The following TFRC variants were observed in gnomAD, a reference collection of about 807,000 sequenced individuals.
TFRC encodes transferrin receptor, also known as transferrin receptor protein 1.
TFRC carries 35 observed loss-of-function variants against 85.8 expected under a neutral mutation model. The observed-to-expected ratio is 0.41, with a 90% CI of 0.31 to 0.54. The LOEUF is 0.54. Ranked by LOEUF, TFRC falls within the 20% of genes least tolerant of loss-of-function variation. The pLI, the probability that TFRC is intolerant of heterozygous loss-of-function variation, is 0.31. For synonymous variants in TFRC, 362 were observed against 328.6 expected, an observed-to-expected ratio of 1.10 and a Z score of -1.10; for missense variants, 828 against 921.5, an observed-to-expected ratio of 0.90 and a Z score of 1.31.
chr3:196,071,268 G>A (rs141270928), intron 6 of TFRC, 128 bp downstream of exon 6: 1 of 806,188 alleles, frequency 1.2e-6, no homozygotes, highest in East Asian at 2.7e-5. Flanking sequence ...TCATTAGAGG[G>A]TTGAAAACCA....
Position 196,075,331 on chromosome 3 carries a change from C to G in TFRC, c.66G>C (p.Arg22=), listed in dbSNP as rs369176211. 1 of 1,614,114 alleles carries G rather than the reference C, an allele frequency of 6.2e-7. No homozygotes were observed. Among genetic ancestry groups the G allele is most frequent in the Non-Finnish European group, 8.5e-7 (1 of 1,180,026 alleles). ...CATCTACTTGCCGAGCCAGGCTGAA[C>G]CGGGTATATGACAATGGTTCTCCAC... The part of the protein sequence containing the change: ...LFGGEPLSYT[R]FSLARQVDGD... Residue 22 remains arginine, a synonymous_variant, in exon 3 of 19, where the codon CGG becomes CGC. Transcript: ENST00000360110.
rs750821618 is a variant in TFRC at position 196,058,300 on chromosome 3, G to C, written c.1661C>G (p.Ser554Cys). 6.2e-6 allele frequency: 10 copies of C among 1,613,818 alleles called. No individual in the cohort carries two copies. Among genetic ancestry groups the C allele is most frequent in the Non-Finnish European group, 7.6e-6 (9 of 1,179,938 alleles). ...FLAYSGIPAV[S>C]FCFCEDTDYP... ...CAGACTTACCTCGCAAAAACAGAAA[G>C]AAACTGCTGGGATTCCAGAATATGC... The change falls in exon 16 of 19, where the codon TCT becomes TGT. Residue 554 changes from serine (S) to cysteine (C), a missense_variant. Physicochemically the swap from Ser to Cys is moderately radical, Grantham distance 112. Coordinates refer to ENST00000360110, the MANE Select transcript of TFRC (RefSeq NM_001128148.3).
chr3:196,068,182 G>T, intron 7 of TFRC, 52 bp from the exon 8 acceptor site: 3 of 1,367,416 alleles, frequency 2.2e-6, no homozygotes, highest in South Asian at 1.2e-5. Flanking sequence ...CATACGAAAT[G>T]AGAATACATC....
Position 196,051,820 on chromosome 3 carries a change from C to T in TFRC, c.*122G>A. The T allele has an allele frequency of 8.1e-7, 1 of 1,228,476 alleles. No homozygotes were observed. Among genetic ancestry groups the T allele is most frequent in the Non-Finnish European group, 1.1e-6 (1 of 878,080 alleles). 76.1% of individuals were successfully genotyped at this position (1,228,476 alleles called of 1,614,324 possible). ...GCTGCCTAAAGACATCTAGTAGTAC[C>T]AAGATGATGGGATGGAATTTTAACA... On this transcript the variant is annotated 3_prime_UTR_variant, in exon 19 of 19. Coordinates refer to ENST00000360110, the MANE Select transcript of TFRC (RefSeq NM_001128148.3).
At chr3:196,076,691 A>G (rs1014258404) in intron 2 of TFRC, among the ~76,000 whole-genome samples, 1 of 151,188 alleles carries the variant, frequency 6.6e-6, no homozygotes, top group Non-Finnish European at 1.5e-5. Flanking sequence ...ACTCCTGACC[A>G]CAGGTGATCC....
chr3:196,075,566 A>AT lies in TFRC; in HGVS notation c.37-207dup, dbSNP rs879865391. ...TCAGTCAGTCTCTCCCTTTTTGTAA[A>AT]TTTTTTTTTTTTTTTGAGACAAGGT... On this transcript the variant is annotated intron_variant, in intron 2 of 18. Transcript: ENST00000360110. Among the ~76,000 whole-genome samples, 1,857 of 144,006 alleles carry AT rather than the reference A, an allele frequency of 0.013. 62 individuals are homozygous for AT. In the East Asian group the frequency reaches 0.14, roughly 11 times the overall value. The allele number at this position is 144,006 out of a possible 152,430, so 94.5% of individuals were successfully genotyped here.
chr3:196,065,699 A>T, intron 9 of TFRC, 99 bp from the exon 10 acceptor site: 1 of 1,356,090 alleles, frequency 7.4e-7, no homozygotes. Flanking sequence ...ATATAAACAA[A>T]ACTTACTCTC....
At chr3:196,079,012 G>A (rs1283730966) in intron 1 of TFRC, among the ~76,000 whole-genome samples, 3 of 152,106 alleles carry the variant, frequency 2.0e-5, no homozygotes, top group Non-Finnish European at 4.4e-5. Context: ...GACCTAGGGT[G>A]ATCCACCCAC....
chr3:196,075,397 C>G (rs374854803), intron 2 of TFRC, 37 bp from the exon 3 acceptor site: 1 of 1,605,456 alleles, frequency 6.2e-7, no homozygotes, highest in Admixed American at 1.7e-5. Flanking sequence ...AGAACAGGCA[C>G]GGGAATGTTT....
At chr3:196,064,611 T>C (rs1717562270) in intron 10 of TFRC, among the ~76,000 whole-genome samples, 183 bp from the exon 11 acceptor site, 1 of 152,226 alleles carries the variant, frequency 6.6e-6, no homozygotes, top group Non-Finnish European at 1.5e-5. Context: ...AATTTTACCT[T>C]ACTAGTAGAG....
At chr3:196,079,934 C>T (rs1454894002) in intron 1 of TFRC, among the ~76,000 whole-genome samples, 1 of 152,182 alleles carries the variant, frequency 6.6e-6, no homozygotes, top group East Asian at 1.9e-4. Context: ...ACTGACTTCC[C>T]TATCCTGTAA....
In TFRC at chr3:196,073,049, A is replaced by C. The variant is rs868037393; in HGVS notation, c.434+881T>G. Reference sequence around the variant, plus strand: ...ATCCCGTTTCTGCAAAAAAAAAAAAAAAAAAAAAAAACCCACAAAAATTAG... The same window carrying C: ...ATCCCGTTTCTGCAAAAAAAAAAAACAAAAAAAAAAACCCACAAAAATTAG... On this transcript the variant is annotated intron_variant, in intron 4 of 18. Transcript: ENST00000360110. Among the ~76,000 whole-genome samples the C allele has an allele frequency of 1.7e-4, 16 of 93,720 alleles. 1 individual carries two copies. Among genetic ancestry groups the C allele is most frequent in the East Asian group, 2.4e-4 (1 of 4,122 alleles). The allele number at this position is 93,720 out of a possible 152,430, so 61.5% of individuals were successfully genotyped here. A position where few individuals can be genotyped will look rare whatever the true frequency, so the allele number is the denominator to read the frequency against.
intron 2 of TFRC, among the ~76,000 whole-genome samples, chr3:196,076,168 A>G (rs1718678271): frequency 6.6e-6 from 1 of 152,018 alleles, no homozygotes; most frequent in African/African-American, 2.4e-5. Flanking sequence ...AAATAAATAA[A>G]TAAATAAATA....
intron 17 of TFRC, among the ~76,000 whole-genome samples, chr3:196,054,758 G>A (rs910760914): frequency 6.6e-5 from 10 of 152,170 alleles, no homozygotes; most frequent in Admixed American, 6.6e-4. Context: ...GGTCACGCCC[G>A]AGAGGCACAC....
rs112598473 is a variant in TFRC, at chr3:196,070,421, C to T, written c.688-853G>A. 3.4e-3 allele frequency among the ~76,000 whole-genome samples: 510 copies of T among 152,158 alleles called. 5 individuals carry two copies. Among genetic ancestry groups the T allele is most frequent in the African/African-American group, 0.012 (491 of 41,524 alleles). On this transcript the variant is annotated intron_variant, in intron 6 of 18. Coordinates refer to ENST00000360110, the MANE Select transcript of TFRC (RefSeq NM_001128148.3). ...CTGGGATTACAGGCACCCACCACCA[C>T]GCCTGGCTAATTTTTGTATTTTTAA... is the stretch of plus-strand genomic sequence containing the variant.
At position 196,057,795 on chromosome 3, in the gene TFRC, A is replaced by C. The variant is rs950849066; in HGVS notation, c.1677+489T>G. On this transcript the variant is annotated intron_variant, in intron 16 of 18. Coordinates refer to ENST00000360110, the MANE Select transcript of TFRC (RefSeq NM_001128148.3). ...GTCACCATTGTCAAAAAAAAAAAAA[A>C]AAACAAAACAAAAAACAAACAAAAA... Among the ~76,000 whole-genome samples the C allele has an allele frequency of 1.3e-3, 190 of 149,228 alleles. 1 individual carries two copies. The highest frequency in any genetic ancestry group is 4.6e-3 in the African/African-American group (180 of 39,100).
chr3:196,049,447 T>C lies in TFRC; in HGVS notation c.*2495A>G, dbSNP rs934833174. 13 of 215,250 alleles carry C rather than the reference T, an allele frequency of 6.0e-5. No homozygotes were observed. Among genetic ancestry groups the C allele is most frequent in the Non-Finnish European group, 8.4e-5 (9 of 106,878 alleles). The allele number at this position is 215,250 out of a possible 1,614,324, so 13.3% of individuals were successfully genotyped here. A position where few individuals can be genotyped will look rare whatever the true frequency, so the allele number is the denominator to read the frequency against. ...AGTAAAGGTCATGCAAGTTCTAGAA[T>C]AGTGAATCATGACAGAACTCATTCA... On this transcript the variant is annotated 3_prime_UTR_variant, in exon 19 of 19. Coordinates refer to ENST00000360110, the MANE Select transcript of TFRC (RefSeq NM_001128148.3).
intron 11 of TFRC, 28 bp downstream of exon 11, chr3:196,064,281 T>A: frequency 6.3e-7 from 1 of 1,598,808 alleles, no homozygotes; most frequent in East Asian, 2.2e-5. Context: ...TGCACCAATA[T>A]TCAAAAGAAT....
chr3:196,071,563 T>A lies in TFRC; in HGVS notation c.585-65A>T, dbSNP rs150763107. 29 of 1,436,434 alleles carry A rather than the reference T, an allele frequency of 2.0e-5. No homozygotes were observed. The East Asian group carries it at 5.9e-4, about 29-fold the overall frequency. The allele number at this position is 1,436,434 out of a possible 1,614,324, so 89.0% of individuals were successfully genotyped here. A position where few individuals can be genotyped will look rare whatever the true frequency, so the allele number is the denominator to read the frequency against. On this transcript the variant is annotated intron_variant, in intron 5 of 18. Transcript: ENST00000360110. Reference sequence around the variant, plus strand: ...CTTCCAAAAAACACAATAGCTTACATTTAGTATGTCTTGCATTATTTGGCT... The same window carrying A: ...CTTCCAAAAAACACAATAGCTTACAATTAGTATGTCTTGCATTATTTGGCT...
Sources: gnomAD v4.1 joint callset for allele counts (sites outside exome capture counted in the v4.1 genomes callset) on GRCh38, gnomAD v4.1.1 for gene constraint, MANE v1.5 for transcripts, NCBI Gene and HGNC (gene_info 2026-07-23, HGNC 2026-07-21) for gene names.